E2F3: variants seen among roughly 807,000 people sequenced by gnomAD.
The protein encoded by E2F3 is E2F transcription factor 3.
Under a neutral mutation model 44.4 loss-of-function variants are expected in E2F3, and 11 were observed. That is an observed-to-expected ratio of 0.25 (90% CI 0.16 to 0.41). E2F3 has a LOEUF of 0.41. Among genes scored for constraint, E2F3 ranks in the 10% least tolerant of loss-of-function variants. E2F3 has a pLI of 1.00. For synonymous variants in E2F3, 249 were observed against 253.0 expected, an observed-to-expected ratio of 0.98 and a Z score of 0.15; for missense variants, 487 against 583.6, an observed-to-expected ratio of 0.83 and a Z score of 1.70.
chr6:20,434,723 A>C (rs1217381190), intron 1 of E2F3, among the ~76,000 whole-genome samples: 1 of 152,190 alleles, frequency 6.6e-6, no homozygotes, highest in African/African-American at 2.4e-5. Flanking sequence ...AGGTAGCTGA[A>C]TATCCCTTCC....
intron 1 of E2F3, among the ~76,000 whole-genome samples, chr6:20,463,107 A>G (rs1761579607): frequency 6.6e-6 from 1 of 151,786 alleles, no homozygotes; most frequent in Admixed American, 6.6e-5. Flanking sequence ...ATTTTGGTAG[A>G]GACCGGGTCT....
chr6:20,436,208 T>C lies in E2F3; in HGVS notation c.393+33583T>C, dbSNP rs139613274. Among the ~76,000 whole-genome samples, 1,391 of 152,302 alleles carry C rather than the reference T, an allele frequency of 9.1e-3. 33 individuals are homozygous for C. The highest frequency in any genetic ancestry group is 0.031 in the African/African-American group (1,287 of 41,552). On this transcript the variant is annotated intron_variant, in intron 1 of 6. Transcript: ENST00000346618. ...GTTGGCCAGGTTGGTCTCAAACTCCTGACCTCAGGTGATCCACCTGCCTCG... is the reference window on the plus strand; with the variant it reads ...GTTGGCCAGGTTGGTCTCAAACTCCCGACCTCAGGTGATCCACCTGCCTCG...
rs183649544 is a variant in E2F3, at chr6:20,491,163, G to A, written c.*733G>A. The A allele has an allele frequency of 4.7e-5, 11 of 232,274 alleles. No homozygotes were observed. The highest frequency in any genetic ancestry group is 4.4e-5 in the African/African-American group (2 of 45,362). 14.4% of individuals were successfully genotyped at this position (232,274 alleles called of 1,614,324 possible). On this transcript the variant is annotated 3_prime_UTR_variant, in exon 7 of 7. Coordinates refer to ENST00000346618, the MANE Select transcript of E2F3 (RefSeq NM_001949.5). ...CTCCATGAACCACTCCCATTCCCCC[G>A]TCCCCAATGTGTTTGTGAGTTTCCA...
chr6:20,473,430 G>A (rs1239451378), intron 1 of E2F3, among the ~76,000 whole-genome samples: 1 of 152,160 alleles, frequency 6.6e-6, no homozygotes, highest in Non-Finnish European at 1.5e-5. Context: ...TAAGGGTGTT[G>A]TGAAAATAAG....
At chr6:20,480,144 C>T in intron 2 of E2F3, 187 bp downstream of exon 2, 1 of 818,650 alleles carries the variant, frequency 1.2e-6, no homozygotes, top group Non-Finnish European at 1.5e-6. Context: ...GCTACAGAGT[C>T]ACACTGGTAC....
chr6:20,445,156 G>A (rs962893154), intron 1 of E2F3: 6 of 985,162 alleles, frequency 6.1e-6, no homozygotes, highest in East Asian at 2.3e-4. Context: ...TGGCAGCAGC[G>A]CCTTGTACTT....
chr6:20,451,763 A>G (rs1474217398), intron 1 of E2F3, among the ~76,000 whole-genome samples: 1 of 152,192 alleles, frequency 6.6e-6, no homozygotes, highest in East Asian at 1.9e-4. Flanking sequence ...AGAATTTTTA[A>G]CATGAAGCAG....
At position 20,438,165 on chromosome 6, in the gene E2F3, GAAT is replaced by G. The variant is rs886555448; in HGVS notation, c.393+35548_393+35550del. Among the ~76,000 whole-genome samples, 87 of 152,260 alleles carry G rather than the reference GAAT, an allele frequency of 5.7e-4. 1 individual carries two copies. The highest frequency in any genetic ancestry group is 3.4e-3 in the Middle Eastern group (1 of 294). ...CCTATTTTCTTAATCCATGAAATGG[GAAT>G]AATAATACTCACCCAATTTACCTTA... On this transcript the variant is annotated intron_variant, in intron 1 of 6. Coordinates refer to ENST00000346618, the MANE Select transcript of E2F3 (RefSeq NM_001949.5).
At chr6:20,483,055 A>ATG (rs113085486) in intron 4 of E2F3, 135 bp downstream of exon 4, 675 of 1,293,656 alleles carry the variant, frequency 5.2e-4, no homozygotes, top group Non-Finnish European at 6.2e-4. Context: ...CTGTGTGTGT[A>ATG]TGTGTGTGTG....
chr6:20,441,787 C>T (rs1222936670), intron 1 of E2F3, among the ~76,000 whole-genome samples: 1 of 147,294 alleles, frequency 6.8e-6, no homozygotes, highest in African/African-American at 2.5e-5. Context: ...AGGCTGGTCT[C>T]GAACTCCTTA....
chr6:20,420,980 C>A (rs1451054112), intron 1 of E2F3, among the ~76,000 whole-genome samples: 1 of 152,210 alleles, frequency 6.6e-6, no homozygotes, highest in Non-Finnish European at 1.5e-5. Flanking sequence ...TATGCAATAT[C>A]CCAAATCCTT....
Position 20,432,105 on chromosome 6 carries a change from C to T in E2F3, c.393+29480C>T, listed in dbSNP as rs528069940. ...CATTCTGAGGCACTGGGGGTTATGA[C>T]TTCAACATAGGAATTTAACGGGGAC... On this transcript the variant is annotated intron_variant, in intron 1 of 6. Transcript: ENST00000346618. 1.1e-4 allele frequency among the ~76,000 whole-genome samples: 16 copies of T among 152,376 alleles called. No homozygotes were observed. In the South Asian group the frequency reaches 3.1e-3, roughly 30 times the overall value.
At chr6:20,404,772 T>C (rs1459134328) in intron 1 of E2F3, among the ~76,000 whole-genome samples, 1 of 152,190 alleles carries the variant, frequency 6.6e-6, no homozygotes, top group Non-Finnish European at 1.5e-5. Flanking sequence ...CGGAGCACAG[T>C]ACCTGCTTAG....
intron 6 of E2F3, 84 bp downstream of exon 6, chr6:20,488,332 G>A: frequency 6.9e-7 from 1 of 1,447,552 alleles, no homozygotes; most frequent in Non-Finnish European, 9.2e-7. Context: ...ACAAGCCTAG[G>A]CAAGAAACAC....
At chr6:20,483,280 G>A (rs563068952) in intron 4 of E2F3, among the ~76,000 whole-genome samples, 1 of 152,270 alleles carries the variant, frequency 6.6e-6, no homozygotes, top group South Asian at 2.1e-4. Flanking sequence ...TAATATTAAT[G>A]ACAACACTAA....
chr6:20,458,041 T>C (rs1420756509), intron 1 of E2F3, among the ~76,000 whole-genome samples: 3 of 152,194 alleles, frequency 2.0e-5, no homozygotes, highest in Admixed American at 6.5e-5. Context: ...ACTTCATATG[T>C]ATTCATTAGC....
intron 1 of E2F3, among the ~76,000 whole-genome samples, chr6:20,476,541 C>A (rs1762051710): frequency 6.6e-6 from 1 of 152,220 alleles, no homozygotes; most frequent in Admixed American, 6.5e-5. Context: ...CCTGGGAAGG[C>A]CCCATTCTCA....
At chr6:20,429,947 C>G (rs1472970621) in intron 1 of E2F3, among the ~76,000 whole-genome samples, 1 of 151,674 alleles carries the variant, frequency 6.6e-6, no homozygotes, top group Non-Finnish European at 1.5e-5. Flanking sequence ...ATTGAACCAC[C>G]CTAGTTATAA....
intron 1 of E2F3, among the ~76,000 whole-genome samples, chr6:20,426,639 G>A (rs2127591768): frequency 6.6e-6 from 1 of 152,348 alleles, no homozygotes. Flanking sequence ...GCCTTCCAGG[G>A]CTGTGCTGTT....
Sources: gnomAD v4.1 joint callset for allele counts (sites outside exome capture counted in the v4.1 genomes callset) on GRCh38, gnomAD v4.1.1 for gene constraint, MANE v1.5 for transcripts, NCBI Gene and HGNC (gene_info 2026-07-23, HGNC 2026-07-21) for gene names.